The following ARHGEF7 variants were observed in gnomAD, a reference collection of about 807,000 sequenced individuals.
ARHGEF7 encodes the protein Rho guanine nucleotide exchange factor 7.
A neutral mutation model predicts 109.8 loss-of-function variants in ARHGEF7; 33 were observed. The observed-to-expected ratio is 0.30, with a 90% CI of 0.23 to 0.40. ARHGEF7 has a LOEUF of 0.40. Among genes scored for constraint, ARHGEF7 ranks in the 10% least tolerant of loss-of-function variants. The pLI, the probability that ARHGEF7 is intolerant of heterozygous loss-of-function variation, is 1.00. For synonymous variants in ARHGEF7, 458 were observed against 424.6 expected (o/e 1.08, Z -0.97); for missense variants, 938 against 1,098.5 (o/e 0.85, Z 2.07).
At chr13:111,127,477 C>T (rs900341514) in intron 1 of ARHGEF7, among the ~76,000 whole-genome samples, 3 of 151,666 alleles carry the variant, frequency 2.0e-5, no homozygotes, top group African/African-American at 7.3e-5. Flanking sequence ...TAGTGAGACC[C>T]TCCCCCCATC....
intron 15 of ARHGEF7, chr13:111,282,817 C>A (rs2092840689): frequency 7.1e-6 from 3 of 424,856 alleles, no homozygotes; most frequent in Non-Finnish European, 1.3e-5. Flanking sequence ...AGATGAAGTA[C>A]CTTTTTTCTA....
At chr13:111,184,033 A>C (rs1424774776) in intron 2 of ARHGEF7, among the ~76,000 whole-genome samples, 1 of 152,084 alleles carries the variant, frequency 6.6e-6, no homozygotes, top group Non-Finnish European at 1.5e-5. Context: ...CTCACCTTGA[A>C]TTATAATAAT....
chr13:111,303,135 G>A lies in ARHGEF7; in HGVS notation c.*22G>A. 2 of 1,489,604 alleles carry A rather than the reference G, an allele frequency of 1.3e-6. No individual in the cohort carries two copies. The highest frequency in any genetic ancestry group is 1.8e-6 in the Non-Finnish European group (2 of 1,104,106). The allele number at this position is 1,489,604 out of a possible 1,614,324, so 92.3% of individuals were successfully genotyped here. A position where few individuals can be genotyped will look rare whatever the true frequency, so the allele number is the denominator to read the frequency against. On this transcript the variant is annotated 3_prime_UTR_variant, in exon 22 of 22. Coordinates refer to ENST00000646102, the MANE Select transcript of ARHGEF7 (RefSeq NM_001354046.2). ...ATAAGGGATGTCCTCAGTTCTTTCTGTTGAAGACCAGTTCTGAGGTGAAGC... is the reference window on the plus strand; with the variant it reads ...ATAAGGGATGTCCTCAGTTCTTTCTATTGAAGACCAGTTCTGAGGTGAAGC...
At position 111,304,673 on chromosome 13, in the gene ARHGEF7, C is replaced by T. The variant is rs1595670350; in HGVS notation, c.*1560C>T. The T allele has an allele frequency of 6.6e-6, 1 of 152,378 alleles. No individual in the cohort carries two copies. The highest frequency in any genetic ancestry group is 2.1e-4 in the South Asian group (1 of 4,828). The allele number at this position is 152,378 out of a possible 1,614,324, so 9.4% of individuals were successfully genotyped here. A position where few individuals can be genotyped will look rare whatever the true frequency, so the allele number is the denominator to read the frequency against. Reference sequence around the variant, plus strand: ...CTTCCTTGCCCTTGCTAATTACAGTCTCTGGTGCCCAGCAAGCCCCTTTGG... The same window carrying T: ...CTTCCTTGCCCTTGCTAATTACAGTTTCTGGTGCCCAGCAAGCCCCTTTGG... On this transcript the variant is annotated 3_prime_UTR_variant, in exon 22 of 22. Transcript: ENST00000646102.
intron 2 of ARHGEF7, among the ~76,000 whole-genome samples, chr13:111,201,827 C>T (rs968227078): frequency 4.6e-5 from 7 of 152,076 alleles, no homozygotes; most frequent in Non-Finnish European, 8.8e-5. Flanking sequence ...CACAACGTGC[C>T]GCATTGTGTT....
At chr13:111,260,277 G>A (rs978151872) in intron 8 of ARHGEF7, among the ~76,000 whole-genome samples, 1 of 152,222 alleles carries the variant, frequency 6.6e-6, no homozygotes, top group South Asian at 2.1e-4. Flanking sequence ...AATAAAACAC[G>A]AAGTAGATTT....
chr13:111,192,351 T>A (rs2079993412), intron 2 of ARHGEF7, among the ~76,000 whole-genome samples: 1 of 152,168 alleles, frequency 6.6e-6, no homozygotes, highest in South Asian at 2.1e-4. Context: ...CAACACTAGA[T>A]CTCCTGGTTG....
At chr13:111,248,609 A>G (rs2089286899) in intron 8 of ARHGEF7, among the ~76,000 whole-genome samples, 1 of 151,806 alleles carries the variant, frequency 6.6e-6, no homozygotes, top group Non-Finnish European at 1.5e-5. Context: ...CTAAGTGTTC[A>G]CTGTCTGCCT....
intron 18 of ARHGEF7, 28 bp from the exon 19 acceptor site, chr13:111,292,090 C>T (rs376897423): frequency 4.4e-6 from 7 of 1,603,990 alleles, no homozygotes; most frequent in East Asian, 2.2e-5. Context: ...CTGCCTGTCG[C>T]GCCTGTCCCT....
intron 2 of ARHGEF7, among the ~76,000 whole-genome samples, chr13:111,200,550 C>T (rs2081101480): frequency 6.6e-6 from 1 of 151,928 alleles, no homozygotes; most frequent in Middle Eastern, 3.4e-3. Flanking sequence ...TCTCTCCCTT[C>T]CCAGGTGAGG....
intron 2 of ARHGEF7, among the ~76,000 whole-genome samples, chr13:111,191,081 G>A (rs547211186): frequency 3.9e-5 from 6 of 152,134 alleles, no homozygotes; most frequent in Non-Finnish European, 7.3e-5. Context: ...TGCTGCAGGG[G>A]GTCCAGGGGT....
At chr13:111,135,399 C>G (rs1292358369) in intron 1 of ARHGEF7, among the ~76,000 whole-genome samples, 1 of 151,926 alleles carries the variant, frequency 6.6e-6, no homozygotes, top group Non-Finnish European at 1.5e-5. Context: ...GCAGTATGGC[C>G]ATTTTCACAA....
Position 111,244,963 on chromosome 13 carries a change from C to T in ARHGEF7, c.950+669C>T, listed in dbSNP as rs140652138. On this transcript the variant is annotated intron_variant, in intron 8 of 21. Transcript: ENST00000646102. The stretch of plus-strand genomic sequence containing the variant: ...AAGCGTTTTCCCTGCAAAAAGTTGT[C>T]GAGATGCTTGAAGAAATGGTAGTTG... 3.4e-3 allele frequency among the ~76,000 whole-genome samples: 524 copies of T among 152,218 alleles called. 5 individuals are homozygous for T. The highest frequency in any genetic ancestry group is 0.012 in the African/African-American group (500 of 41,526).
chr13:111,170,493 T>G lies in ARHGEF7; in HGVS notation c.252+16502T>G, dbSNP rs76391017. Among the ~76,000 whole-genome samples, 274 of 152,356 alleles carry G rather than the reference T, an allele frequency of 1.8e-3. 1 individual carries two copies. Among genetic ancestry groups the G allele is most frequent in the African/African-American group, 6.4e-3 (265 of 41,590 alleles). ...CTTCTTACTGGAATTTCTTCTTATT[T>G]TATCTCTTATGTAGGGAAGCTGGGT... On this transcript the variant is annotated intron_variant, in intron 2 of 21. Transcript: ENST00000646102.
Position 111,288,387 on chromosome 13 carries a change from T to A in ARHGEF7, c.2078T>A (p.Leu693Gln), listed in dbSNP as rs1465243472. 1 of 1,613,568 alleles carries A rather than the reference T, an allele frequency of 6.2e-7. No individual in the cohort carries two copies. Among genetic ancestry groups the A allele is most frequent in the Non-Finnish European group, 8.5e-7 (1 of 1,179,614 alleles). ...GCTTTGGAAGAAGATGCTCAGATTCTGAAAGTCATTGAAGCTTACTGCACC... is the reference window on the plus strand; with the variant it reads ...GCTTTGGAAGAAGATGCTCAGATTCAGAAAGTCATTGAAGCTTACTGCACC... ...TAALEEDAQI[L>Q]KVIEAYCTSA... Residue 693 changes from leucine to glutamine, a missense_variant, in exon 18 of 22, where the codon CTG (leucine) becomes CAG (glutamine). Leu to Gln is a moderately radical substitution (Grantham distance 113). Coordinates refer to ENST00000646102, the MANE Select transcript of ARHGEF7 (RefSeq NM_001354046.2).
chr13:111,178,673 G>T (rs2078408413), intron 2 of ARHGEF7, among the ~76,000 whole-genome samples: 1 of 152,218 alleles, frequency 6.6e-6, no homozygotes, highest in Non-Finnish European at 1.5e-5. Context: ...ATCTGTCAGG[G>T]AGGCAGCTGC....
chr13:111,248,867 C>A (rs2089327291), intron 8 of ARHGEF7, among the ~76,000 whole-genome samples: 1 of 152,112 alleles, frequency 6.6e-6, no homozygotes, highest in Non-Finnish European at 1.5e-5. Flanking sequence ...TTTCTAGTGA[C>A]TTTGAATTGT....
At chr13:111,153,706 G>A (rs544885237) in intron 1 of ARHGEF7, 199 bp from the exon 2 acceptor site, 7 of 1,317,896 alleles carry the variant, frequency 5.3e-6, no homozygotes, top group Admixed American at 8.5e-5. Context: ...GTGCAGCCCC[G>A]GAGGAAGAAA....
intron 2 of ARHGEF7, among the ~76,000 whole-genome samples, chr13:111,162,149 T>G (rs2076797517): frequency 6.6e-6 from 1 of 152,250 alleles, no homozygotes; most frequent in African/African-American, 2.4e-5. Flanking sequence ...TACTCCTTCC[T>G]GTCCTATGGA....
Sources: gnomAD v4.1 joint callset for allele counts (sites outside exome capture counted in the v4.1 genomes callset) on GRCh38, gnomAD v4.1.1 for gene constraint, MANE v1.5 for transcripts, NCBI Gene and HGNC (gene_info 2026-07-23, HGNC 2026-07-21) for gene names.